Variants in RGS20 observed in about 807,000 individuals in gnomAD.
The protein encoded by RGS20 is regulator of G protein signaling 20.
Under a neutral mutation model 33.6 loss-of-function variants are expected in RGS20, and 30 were observed. The observed-to-expected ratio is 0.89, with a 90% CI of 0.67 to 1.21. The LOEUF (loss-of-function observed/expected upper bound fraction) is 1.21, where lower values mean the gene tolerates loss of function less well. Ranked by LOEUF, RGS20 falls within the 50% of genes most tolerant of loss-of-function variation. RGS20 has a pLI of 0.00. For synonymous variants in RGS20, 208 were observed against 197.9 expected, an observed-to-expected ratio of 1.05 and a Z score of -0.43; for missense variants, 472 against 502.4, an observed-to-expected ratio of 0.94 and a Z score of 0.58.
intron 2 of RGS20, among the ~76,000 whole-genome samples, chr8:53,912,735 T>A (rs1813379513): frequency 6.6e-6 from 1 of 152,216 alleles, no homozygotes; most frequent in Non-Finnish European, 1.5e-5. Flanking sequence ...CATGATTTTT[T>A]AATTTATTAG....
At chr8:53,930,147 TA>T (rs1053716160) in intron 2 of RGS20, among the ~76,000 whole-genome samples, 1 of 152,228 alleles carries the variant, frequency 6.6e-6, no homozygotes, top group Non-Finnish European at 1.5e-5. Flanking sequence ...GCAAAGAGAC[TA>T]GTGTGATCAT....
chr8:53,886,179 A>G (rs987702367), intron 2 of RGS20, among the ~76,000 whole-genome samples: 1 of 152,148 alleles, frequency 6.6e-6, no homozygotes, highest in East Asian at 1.9e-4. Flanking sequence ...ACTACACGGC[A>G]CCATCTGAGA....
chr8:53,863,813 G>A (rs916501354), intron 1 of RGS20, among the ~76,000 whole-genome samples: 11 of 143,302 alleles, frequency 7.7e-5, no homozygotes, highest in Non-Finnish European at 7.5e-5. Context: ...TGCAACCTCT[G>A]CTTCCCCGGT....
At chr8:53,897,137 T>A (rs1052100081) in intron 2 of RGS20, among the ~76,000 whole-genome samples, 3 of 152,224 alleles carry the variant, frequency 2.0e-5, no homozygotes, top group African/African-American at 4.8e-5. Context: ...AAACACATCT[T>A]TTGTACATTT....
At chr8:53,904,057 T>C (rs920588540) in intron 2 of RGS20, among the ~76,000 whole-genome samples, 3 of 151,724 alleles carry the variant, frequency 2.0e-5, no homozygotes, top group African/African-American at 4.8e-5. Flanking sequence ...ACTGGAGAGA[T>C]AGTAACACTG....
chr8:53,880,967 A>C, intron 2 of RGS20: 1 of 1,582,444 alleles, frequency 6.3e-7, no homozygotes, highest in Admixed American at 1.8e-5. Flanking sequence ...GCCGACGTAG[A>C]GAGGGCAGCC....
intron 2 of RGS20, among the ~76,000 whole-genome samples, chr8:53,909,519 G>T (rs1354917212): frequency 6.6e-6 from 1 of 151,734 alleles, no homozygotes; most frequent in Non-Finnish European, 1.5e-5. Flanking sequence ...CTCCCAAAGT[G>T]CTGGGATTAC....
At chr8:53,895,301 G>A (rs923945251) in intron 2 of RGS20, among the ~76,000 whole-genome samples, 3 of 152,174 alleles carry the variant, frequency 2.0e-5, no homozygotes, top group Non-Finnish European at 4.4e-5. Flanking sequence ...AGATGTCCAG[G>A]AGAGCTCCAA....
intron 2 of RGS20, among the ~76,000 whole-genome samples, chr8:53,906,143 C>T (rs1039877991): frequency 1.3e-5 from 2 of 152,074 alleles, no homozygotes; most frequent in South Asian, 2.1e-4. Flanking sequence ...AGGCCAGGCG[C>T]GGTGGTTCAT....
At chr8:53,948,118 T>C (rs1481601498) in intron 4 of RGS20, among the ~76,000 whole-genome samples, 3 of 134,666 alleles carry the variant, frequency 2.2e-5, no homozygotes, top group African/African-American at 8.3e-5. Context: ...ATATATAAGA[T>C]GTAGTATATA....
intron 2 of RGS20, among the ~76,000 whole-genome samples, chr8:53,930,533 T>C (rs1813923650): frequency 6.6e-6 from 1 of 152,098 alleles, no homozygotes; most frequent in Admixed American, 6.6e-5. Flanking sequence ...GGAAATTAAT[T>C]AGGATATGGT....
intron 2 of RGS20, among the ~76,000 whole-genome samples, chr8:53,885,102 T>TTATTCTAGA (rs1444461776): frequency 1.3e-5 from 2 of 152,356 alleles, no homozygotes; most frequent in East Asian, 3.9e-4. Context: ...GGAGATTTTA[T>TTATTCTAGA]TATTCTAGAT....
intron 5 of RGS20, among the ~76,000 whole-genome samples, chr8:53,956,062 C>T (rs1814856317): frequency 6.6e-6 from 1 of 152,076 alleles, no homozygotes; most frequent in Admixed American, 6.6e-5. Flanking sequence ...GTGAGCCATC[C>T]ACAAAGGGGT....
intron 2 of RGS20, among the ~76,000 whole-genome samples, chr8:53,894,137 T>C (rs1812790015): frequency 6.6e-6 from 1 of 152,234 alleles, no homozygotes; most frequent in Non-Finnish European, 1.5e-5. Flanking sequence ...TACGTTAGTA[T>C]GGAGGTTTTT....
rs560081936 is a variant in RGS20 at position 53,860,759 on chromosome 8, A to G, written c.165+8695A>G. Among the ~76,000 whole-genome samples, 7 of 152,338 alleles carry G rather than the reference A, an allele frequency of 4.6e-5. No homozygotes were observed. In the East Asian group the frequency reaches 1.2e-3, roughly 25 times the overall value. ...GACAGGTGGATCACTTGACGTCAGG[A>G]GTTCGAGCCCAGCCTGGCCAACATG... On this transcript the variant is annotated intron_variant, in intron 1 of 5. Transcript: ENST00000297313.
chr8:53,872,367 C>T (rs1339230891), intron 1 of RGS20, among the ~76,000 whole-genome samples: 3 of 152,140 alleles, frequency 2.0e-5, no homozygotes, highest in African/African-American at 7.2e-5. Context: ...TTTCCCATTG[C>T]TTTTACAATA....
At chr8:53,912,410 T>C (rs1221417694) in intron 2 of RGS20, among the ~76,000 whole-genome samples, 1 of 151,822 alleles carries the variant, frequency 6.6e-6, no homozygotes, top group African/African-American at 2.4e-5. Context: ...AGATACCTGG[T>C]TTTAATTTGC....
intron 1 of RGS20, chr8:53,879,169 C>A: frequency 9.4e-7 from 1 of 1,067,402 alleles, no homozygotes; most frequent in Non-Finnish European, 1.4e-6. Context: ...CAAAGTAACG[C>A]TTCAAAATTC....
chr8:53,915,990 T>TTTAATAA (rs1265471588), intron 2 of RGS20, among the ~76,000 whole-genome samples: 43 of 152,228 alleles, frequency 2.8e-4, no homozygotes, highest in African/African-American at 1.0e-3. Flanking sequence ...TAAAATATGC[T>TTTAATAA]TTAATAATTT....
Sources: allele counts gnomAD v4.1 joint callset (sites outside exome capture counted in the v4.1 genomes callset), GRCh38; gene constraint gnomAD v4.1.1; transcripts MANE v1.5; gene names NCBI Gene and HGNC (gene_info 2026-07-23, HGNC 2026-07-21).